Variants in SWT1 observed in about 807,000 individuals in gnomAD.
SWT1 encodes the protein SWT1 RNA endoribonuclease homolog, also known as transcriptional protein SWT1.
Under a neutral mutation model 107.3 loss-of-function variants are expected in SWT1, and 33 were observed. The observed-to-expected ratio is 0.31, with a 90% CI of 0.23 to 0.41. The LOEUF (loss-of-function observed/expected upper bound fraction) is 0.41. Ranked by LOEUF, SWT1 falls within the 10% of genes least tolerant of loss-of-function variation. The pLI is 1.00. For missense variants in SWT1, 898 were observed against 1,028.9 expected (o/e 0.87, Z 1.74); for synonymous variants, 345 against 348.3 (o/e 0.99, Z 0.11).
chr1:185,248,921 CTA>C (rs952999304), intron 16 of SWT1, among the ~76,000 whole-genome samples: 7 of 152,144 alleles, frequency 4.6e-5, no homozygotes, highest in African/African-American at 1.7e-4. Context: ...GTTCTGGTAT[CTA>C]TTGCTGTATA....
rs1013127672 is a variant in SWT1 at position 185,166,583 on chromosome 1, G to A, written c.96G>A (p.Glu32=). Residue 32 remains glutamate (E), a synonymous_variant, in exon 3 of 19, where the codon GAG becomes GAA. Coordinates refer to ENST00000367500, the MANE Select transcript of SWT1 (RefSeq NM_017673.7). ...TATTGCATTCTTAGGACAAGAAAGA[G>A]AGAAAAACCCCAGCAAGTTCTACTA... ...SPNFGEKDKK[E]RKTPASSTSS... 1.7e-5 allele frequency: 27 copies of A among 1,600,134 alleles called. No individual in the cohort carries two copies. In the African/African-American group the frequency reaches 3.0e-4, roughly 18 times the overall value.
At chr1:185,277,642 C>G (rs1664333873) in intron 18 of SWT1, among the ~76,000 whole-genome samples, 1 of 152,138 alleles carries the variant, frequency 6.6e-6, no homozygotes, top group South Asian at 2.1e-4. Flanking sequence ...CTCGCATACC[C>G]TCTGAGAGAG....
rs1338894663 is a variant in SWT1, at chr1:185,184,269, C to A, written c.1165C>A (p.Leu389Ile). The A allele has an allele frequency of 6.4e-7, 1 of 1,565,644 alleles. No individual in the cohort carries two copies. Among genetic ancestry groups the A allele is most frequent in the Non-Finnish European group, 8.7e-7 (1 of 1,150,320 alleles). ...AAATAATACTTCAGACAGAAAGCTT[C>A]TAATTGTTATTGACACAAATATTCT... is the stretch of plus-strand genomic sequence containing the variant. ...SANNTSDRKL[L>I]IVIDTNILMN... Residue 389 changes from leucine to isoleucine, a missense_variant, in exon 8 of 19, where the codon CTA (leucine) becomes ATA (isoleucine). This residue lies in a region of SWT1 where 94 missense variants were observed against 114.5 expected (regional missense o/e 0.82). Transcript: ENST00000367500.
intron 6 of SWT1, 52 bp downstream of exon 6, chr1:185,180,502 C>T: frequency 8.4e-6 from 11 of 1,307,666 alleles, no homozygotes; most frequent in Non-Finnish European, 1.2e-5. Context: ...TAAGTCAGTT[C>T]CTACTTTTAA....
chr1:185,223,971 A>T (rs961718092), intron 15 of SWT1, among the ~76,000 whole-genome samples: 1 of 152,240 alleles, frequency 6.6e-6, no homozygotes, highest in African/African-American at 2.4e-5. Context: ...TTAAGCAGCC[A>T]TAAGAAAGAA....
At chr1:185,282,875 C>T (rs1048478844) in intron 18 of SWT1, among the ~76,000 whole-genome samples, 1 of 152,170 alleles carries the variant, frequency 6.6e-6, no homozygotes, top group African/African-American at 2.4e-5. Context: ...GGAAACCCCA[C>T]AACCTCCAGG....
intron 15 of SWT1, among the ~76,000 whole-genome samples, chr1:185,229,339 C>T (rs1475291531): frequency 6.6e-6 from 1 of 151,992 alleles, no homozygotes; most frequent in Non-Finnish European, 1.5e-5. Context: ...AATAGTAGTA[C>T]CCACAGCAAA....
At position 185,290,797 on chromosome 1, in the gene SWT1, G is replaced by A; in HGVS notation, c.2697G>A (p.Arg899=). ...GGTGTGAAGACATGCTCAACTATAG[G>A]ATATAAGTACTGATTTGTAACTTTA... ...RGWCEDMLNY[R]I Residue 899 remains arginine (R), a synonymous_variant, in exon 19 of 19, where the codon AGG becomes AGA. Coordinates refer to ENST00000367500, the MANE Select transcript of SWT1 (RefSeq NM_017673.7). 1 of 1,605,698 alleles carries A rather than the reference G, an allele frequency of 6.2e-7. No individual in the cohort carries two copies.
At chr1:185,241,750 GCTGAATGC>G (rs970547590) in intron 16 of SWT1, among the ~76,000 whole-genome samples, 1 of 151,956 alleles carries the variant, frequency 6.6e-6, no homozygotes, top group Non-Finnish European at 1.5e-5. Context: ...TTTTTTTAAG[GCTGAATGC>G]TAATTATACT....
rs556155191 is a variant in SWT1, at chr1:185,222,131, G to A, written c.2309+95G>A. 61 of 789,182 alleles carry A rather than the reference G, an allele frequency of 7.7e-5. No homozygotes were observed. The Admixed American group carries it at 8.5e-4, about 11-fold the overall frequency. The allele number at this position is 789,182 out of a possible 1,614,324, so 48.9% of individuals were successfully genotyped here. On this transcript the variant is annotated intron_variant, in intron 15 of 18. Transcript: ENST00000367500. ...GGTACAATTTGATGTGCAATTTGACGTTTCAATAGATATATGTGATATATA... is the reference window on the plus strand; with the variant it reads ...GGTACAATTTGATGTGCAATTTGACATTTCAATAGATATATGTGATATATA...
intron 18 of SWT1, among the ~76,000 whole-genome samples, chr1:185,283,725 T>A (rs1036886869): frequency 6.6e-6 from 1 of 152,222 alleles, no homozygotes; most frequent in Non-Finnish European, 1.5e-5. Context: ...CTCCGATGTA[T>A]ACATGTGACC....
At chr1:185,219,111 TTAAGG>T (rs1184289689) in intron 14 of SWT1, among the ~76,000 whole-genome samples, 8 of 152,348 alleles carry the variant, frequency 5.3e-5, no homozygotes, top group African/African-American at 1.9e-4. Context: ...AATTCAGAAT[TTAAGG>T]TAAACAGACA....
intron 16 of SWT1, among the ~76,000 whole-genome samples, chr1:185,236,875 A>G (rs531431913): frequency 9.8e-5 from 15 of 152,360 alleles, no homozygotes; most frequent in East Asian, 3.9e-4. Flanking sequence ...CAAGAAAAAA[A>G]CAACCCCATC....
At chr1:185,261,078 A>G (rs1662983989) in intron 16 of SWT1, among the ~76,000 whole-genome samples, 1 of 152,180 alleles carries the variant, frequency 6.6e-6, no homozygotes, top group Non-Finnish European at 1.5e-5. Flanking sequence ...AGTGGCATTG[A>G]GAACATTCCT....
rs1196367787 is a variant in SWT1, at chr1:185,228,167, GTGTATATA to G, written c.2310-3408_2310-3401del. Among the ~76,000 whole-genome samples the G allele has an allele frequency of 1.8e-4, 11 of 61,560 alleles. No homozygotes were observed. The South Asian group carries it at 4.6e-3, about 26-fold the overall frequency. 40.4% of individuals were successfully genotyped at this position (61,560 alleles called of 152,430 possible). A position where few individuals can be genotyped will look rare whatever the true frequency, so the allele number is the denominator to read the frequency against. ...ACAGTATGTCACATTAAAAAAAAAT[GTGTATATA>G]TATATATATATATACATATATATAT... On this transcript the variant is annotated intron_variant, in intron 15 of 18. Transcript: ENST00000367500.
intron 12 of SWT1, 48 bp from the exon 13 acceptor site, chr1:185,206,577 T>C: frequency 8.5e-7 from 1 of 1,173,350 alleles, no homozygotes. Context: ...TTTTAATAAT[T>C]GGAATAATAA....
rs75315812 is a variant in SWT1, at chr1:185,243,169, T to C, written c.2441+11461T>C. On this transcript the variant is annotated intron_variant, in intron 16 of 18. Coordinates refer to ENST00000367500, the MANE Select transcript of SWT1 (RefSeq NM_017673.7). ...GGATGCCCAGGCTGGAGTGCAGTGC[T>C]GTGATCTCAGCTCACTGCAACTTCC... Among the ~76,000 whole-genome samples the C allele has an allele frequency of 5.5e-3, 834 of 152,200 alleles. 33 individuals are homozygous for C. In the East Asian group the frequency reaches 0.092, roughly 17 times the overall value.
rs182950389 is a variant in SWT1, at chr1:185,158,223, G to A, written c.-10+909G>A. On this transcript the variant is annotated intron_variant, in intron 1 of 18. Coordinates refer to ENST00000367500, the MANE Select transcript of SWT1 (RefSeq NM_017673.7). The stretch of plus-strand genomic sequence containing the variant: ...ATTTGGCACTTTGAAGCACTAACTG[G>A]AAATTAACTCCTCCCCCTATAGTTA... 4.3e-3 allele frequency among the ~76,000 whole-genome samples: 649 copies of A among 152,210 alleles called. 10 individuals are homozygous for A. The highest frequency in any genetic ancestry group is 0.015 in the African/African-American group (622 of 41,532).
Position 185,278,576 on chromosome 1 carries a change from T to G in SWT1, c.2573+1908T>G, listed in dbSNP as rs564687571. 1.4e-4 allele frequency among the ~76,000 whole-genome samples: 21 copies of G among 152,312 alleles called. No individual in the cohort carries two copies. The South Asian group carries it at 3.3e-3, about 24-fold the overall frequency. ...CCTTCACTGTTGCCTTCCAATACCC[T>G]CCACCACTACATATTCCATTTTAGC... On this transcript the variant is annotated intron_variant, in intron 18 of 18. Coordinates refer to ENST00000367500, the MANE Select transcript of SWT1 (RefSeq NM_017673.7).
Sources: gnomAD v4.1 joint callset for allele counts (sites outside exome capture counted in the v4.1 genomes callset) on GRCh38, gnomAD v4.1.1 for gene constraint, gnomAD v4.1.1 regional missense constraint, MANE v1.5 for transcripts, NCBI Gene and HGNC (gene_info 2026-07-23, HGNC 2026-07-21) for gene names.